ARPC2: variants seen among roughly 807,000 people sequenced by gnomAD.
ARPC2 encodes the protein actin related protein 2/3 complex subunit 2.
A neutral mutation model predicts 38.6 loss-of-function variants in ARPC2; 4 were observed. The ratio of observed to expected loss-of-function variants is 0.10; its 90% confidence interval spans 0.05 to 0.24. The LOEUF (loss-of-function observed/expected upper bound fraction) is 0.24, where lower values mean the gene tolerates loss of function less well. Among genes scored for constraint, ARPC2 ranks in the 10% least tolerant of loss-of-function variants. ARPC2 has a pLI of 1.00. For synonymous variants in ARPC2, 125 were observed against 140.8 expected, an observed-to-expected ratio of 0.89 and a Z score of 0.79; for missense variants, 229 against 387.3, an observed-to-expected ratio of 0.59 and a Z score of 3.43.
intron 10 of ARPC2, among the ~76,000 whole-genome samples, 181 bp downstream of exon 10, chr2:218,250,102 GGTTTCCTTGTTTCCGTAT>G (rs1690149892): frequency 6.6e-6 from 1 of 152,138 alleles, no homozygotes; most frequent in African/African-American, 2.4e-5. Flanking sequence ...GGCCAGGATG[GGTTTCCTTGTTTCCGTAT>G]CTTTGTGAGC....
At chr2:218,244,967 T>C (rs919819532) in intron 7 of ARPC2, among the ~76,000 whole-genome samples, 4 of 152,242 alleles carry the variant, frequency 2.6e-5, no homozygotes, top group African/African-American at 7.2e-5. Context: ...AAGGAAGGGC[T>C]TCCTTTATGA....
intron 7 of ARPC2, among the ~76,000 whole-genome samples, chr2:218,239,947 A>AT (rs1486668341): frequency 6.6e-6 from 1 of 150,522 alleles, no homozygotes; most frequent in Non-Finnish European, 1.5e-5. Flanking sequence ...CTCAGTGAAT[A>AT]TTTTTTGTTG....
chr2:218,239,870 C>T (rs541248632), intron 7 of ARPC2, among the ~76,000 whole-genome samples: 8 of 152,114 alleles, frequency 5.3e-5, no homozygotes, highest in South Asian at 2.1e-4. Context: ...GTATTACAGG[C>T]ATGAGCCACC....
chr2:218,246,462 G>A (rs528096213), intron 8 of ARPC2, among the ~76,000 whole-genome samples: 7 of 152,084 alleles, frequency 4.6e-5, no homozygotes, highest in East Asian at 1.9e-4. Flanking sequence ...CCCAGGAGGC[G>A]GAGGTTGCAG....
intron 4 of ARPC2, among the ~76,000 whole-genome samples, chr2:218,229,729 A>G (rs1447416305): frequency 1.3e-5 from 2 of 152,254 alleles, no homozygotes; most frequent in African/African-American, 4.8e-5. Flanking sequence ...TCTTAATACC[A>G]AGAGCCATTG....
At chr2:218,223,061 C>A (rs987324821) in intron 2 of ARPC2, among the ~76,000 whole-genome samples, 7 of 152,198 alleles carry the variant, frequency 4.6e-5, no homozygotes, top group Non-Finnish European at 8.8e-5. Context: ...TAAAAGACAC[C>A]GTTTGAGAAA....
At chr2:218,235,377 T>C (rs1689745686) in intron 5 of ARPC2, 1 of 153,758 alleles carries the variant, frequency 6.5e-6, no homozygotes, top group Non-Finnish European at 1.4e-5. Context: ...AGAGTCTCAC[T>C]GTCTGCTGCC....
At chr2:218,250,996 C>T (rs577627947) in intron 10 of ARPC2, among the ~76,000 whole-genome samples, 1 of 151,722 alleles carries the variant, frequency 6.6e-6, no homozygotes, top group African/African-American at 2.4e-5. Flanking sequence ...CCACCACGCC[C>T]GGCTAATTTT....
intron 5 of ARPC2, chr2:218,235,681 A>G (rs1310572680): frequency 2.0e-5 from 3 of 152,224 alleles, no homozygotes; most frequent in Non-Finnish European, 4.4e-5. Flanking sequence ...ACATCCTGAC[A>G]TGGAAAGTTT....
At chr2:218,244,094 C>A (rs1574591220) in intron 7 of ARPC2, among the ~76,000 whole-genome samples, 1 of 152,228 alleles carries the variant, frequency 6.6e-6, no homozygotes, top group African/African-American at 2.4e-5. Flanking sequence ...ATTTTAGAAG[C>A]TTTGCTCTAG....
chr2:218,250,847 TTTTG>T (rs374863382), intron 10 of ARPC2, among the ~76,000 whole-genome samples: 32 of 151,904 alleles, frequency 2.1e-4, no homozygotes, highest in Non-Finnish European at 3.5e-4. Context: ...ATTTGCTGGT[TTTTG>T]TTTGTTTGTT....
chr2:218,234,966 G>T (rs1689733419), intron 5 of ARPC2: 1 of 430,120 alleles, frequency 2.3e-6, no homozygotes, highest in South Asian at 1.7e-5. Flanking sequence ...TGGAAAAACT[G>T]AACAGCCTTT....
chr2:218,243,607 T>C (rs112975144), intron 7 of ARPC2, among the ~76,000 whole-genome samples: 120 of 152,236 alleles, frequency 7.9e-4, no homozygotes, highest in African/African-American at 2.5e-3. Flanking sequence ...AAACCCTGTT[T>C]CTACTTTAAA....
At chr2:218,228,888 C>T (rs1421589727) in intron 4 of ARPC2, 38 bp downstream of exon 4, 1 of 1,360,978 alleles carries the variant, frequency 7.3e-7, no homozygotes. Context: ...CTCTTGTTTC[C>T]TCACCTTTCA....
chr2:218,246,664 A>T (rs1379136991), intron 8 of ARPC2, among the ~76,000 whole-genome samples: 1 of 152,082 alleles, frequency 6.6e-6, no homozygotes. Context: ...AACATGGTGC[A>T]GGCTCATCTC....
chr2:218,229,560 A>G (rs894391694), intron 4 of ARPC2, among the ~76,000 whole-genome samples: 5 of 152,250 alleles, frequency 3.3e-5, no homozygotes, highest in Admixed American at 6.5e-5. Flanking sequence ...TTAACAAACT[A>G]GGTTCTCCTT....
Position 218,217,559 on chromosome 2 carries a change from G to C in ARPC2, c.74+15G>C, listed in dbSNP as rs759522820. 60 of 1,606,396 alleles carry C rather than the reference G, an allele frequency of 3.7e-5. No individual in the cohort carries two copies. The highest frequency in any genetic ancestry group is 4.8e-5 in the Non-Finnish European group (56 of 1,176,246). ...GCGGCCGCCGGGTGAGCGCGCGCCC[G>C]GGGCCGGGGGTGGCGGGGGAAGCAG... is the stretch of plus-strand genomic sequence containing the variant. On this transcript the variant is annotated intron_variant, in intron 2 of 10. Transcript: ENST00000315717.
intron 7 of ARPC2, among the ~76,000 whole-genome samples, chr2:218,243,708 G>A (rs1689967505): frequency 1.3e-5 from 2 of 152,200 alleles, no homozygotes; most frequent in African/African-American, 4.8e-5. Context: ...CCTAGGAGGT[G>A]GAGGTTGCAG....
chr2:218,228,639 T>A, intron 3 of ARPC2, 99 bp from the exon 4 acceptor site: 1 of 631,550 alleles, frequency 1.6e-6, no homozygotes, highest in Non-Finnish European at 2.8e-6. Context: ...CATGCCTCCT[T>A]AAAAGTGGTC....
Sources: gnomAD v4.1 joint callset for allele counts (sites outside exome capture counted in the v4.1 genomes callset) on GRCh38, gnomAD v4.1.1 for gene constraint, MANE v1.5 for transcripts, NCBI Gene and HGNC (gene_info 2026-07-23, HGNC 2026-07-21) for gene names.